AHI1: variants seen among roughly 807,000 people sequenced by gnomAD.
The protein encoded by AHI1 is Abelson helper integration site 1.
AHI1 carries 123 observed loss-of-function variants against 149.3 expected under a neutral mutation model. The ratio of observed to expected loss-of-function variants is 0.82; its 90% confidence interval spans 0.71 to 0.96. The LOEUF (loss-of-function observed/expected upper bound fraction) is 0.96. Ranked by LOEUF, AHI1 falls within the 40% of genes least tolerant of loss-of-function variation. The pLI is 0.00. For synonymous variants in AHI1, 475 were observed against 459.8 expected, an observed-to-expected ratio of 1.03 and a Z score of -0.42; for missense variants, 1,439 against 1,422.7, an observed-to-expected ratio of 1.01 and a Z score of -0.18.
chr6:135,352,876 T>C (rs1184253748), intron 24 of AHI1, among the ~76,000 whole-genome samples: 1 of 150,882 alleles, frequency 6.6e-6, no homozygotes, highest in African/African-American at 2.4e-5. Flanking sequence ...GTGCTAGGTA[T>C]GGTACTATCC....
At position 135,489,398 on chromosome 6, in the gene AHI1, C is replaced by G. The variant is rs369167993; in HGVS notation, c.135+1225G>C. The stretch of plus-strand genomic sequence containing the variant: ...TAAATTGCATTTTGTTCATGGCTCA[C>G]AACTCCCAGTTCTTTAATACTAAGA... On this transcript the variant is annotated intron_variant, in intron 5 of 28. Transcript: ENST00000265602. 9.1e-4 allele frequency among the ~76,000 whole-genome samples: 139 copies of G among 152,274 alleles called. 2 individuals carry two copies. The highest frequency in any genetic ancestry group is 3.0e-3 in the African/African-American group (123 of 41,558).
chr6:135,287,987 C>T (rs76240675), intron 28 of AHI1, among the ~76,000 whole-genome samples: 193 of 151,742 alleles, frequency 1.3e-3, no homozygotes, highest in Non-Finnish European at 2.3e-3. Flanking sequence ...CCCAGCTACT[C>T]GGGAGGCTGA....
intron 14 of AHI1, among the ~76,000 whole-genome samples, chr6:135,439,847 C>T (rs1057296555): frequency 7.9e-5 from 12 of 152,026 alleles, no homozygotes; most frequent in African/African-American, 2.2e-4. Flanking sequence ...AACATATACC[C>T]TATGGAAAAA....
chr6:135,478,277 T>C (rs1333508662), intron 5 of AHI1, among the ~76,000 whole-genome samples: 6 of 152,188 alleles, frequency 3.9e-5, no homozygotes, highest in East Asian at 1.9e-4. Context: ...TGGAACTTCA[T>C]AGAGACTTGT....
At chr6:135,422,106 A>G (rs1783256810) in intron 20 of AHI1, among the ~76,000 whole-genome samples, 1 of 152,226 alleles carries the variant, frequency 6.6e-6, no homozygotes, top group Admixed American at 6.5e-5. Context: ...ACAAATAGCT[A>G]TCTCCAATAT....
rs760645720 is a variant in AHI1, at chr6:135,463,184, T to G, written c.872A>C (p.Asp291Ala). The G allele has an allele frequency of 1.9e-6, 3 of 1,608,632 alleles. No individual in the cohort carries two copies. The Admixed American group carries it at 5.0e-5, about 27-fold the overall frequency. The change falls in exon 8 of 29, where the codon GAC (aspartate) becomes GCC (alanine). Residue 291 changes from aspartate (D) to alanine (A), a missense_variant. By Grantham distance (126) the Asp-to-Ala change is moderately radical. Transcript: ENST00000265602. ...EISSMEQSTEDSMQDDTKPKP... is the reference protein window; with the variant it reads ...EISSMEQSTEASMQDDTKPKP... ...AGGTTTTGTATCATCTTGCATGCTG[T>G]CTTCTGTGCTTTGTTCCATTGAGCT...
rs184161453 is a variant in AHI1 at position 135,352,922 on chromosome 6, T to C, written c.3165+5210A>G. On this transcript the variant is annotated intron_variant, in intron 24 of 28. Transcript: ENST00000265602. ...GTATACCTCATGTTTCTTGATAATT[T>C]AGAAAATTCAATTTATGCTGCTGTT... Among the ~76,000 whole-genome samples, 396 of 151,838 alleles carry C rather than the reference T, an allele frequency of 2.6e-3. 1 individual carries two copies. The highest frequency in any genetic ancestry group is 6.9e-3 in the African/African-American group (285 of 41,482).
intron 24 of AHI1, among the ~76,000 whole-genome samples, chr6:135,330,180 A>C (rs1788334776): frequency 6.6e-6 from 1 of 152,254 alleles, no homozygotes. Flanking sequence ...TCCAATTCTC[A>C]AAGTTTTACT....
chr6:135,361,573 G>GT (rs1353044077), intron 23 of AHI1, among the ~76,000 whole-genome samples: 4 of 150,576 alleles, frequency 2.7e-5, no homozygotes, highest in African/African-American at 9.8e-5. Flanking sequence ...TTCCCTGAAC[G>GT]TAACACTTTT....
At position 135,427,267 on chromosome 6, in the gene AHI1, T is replaced by C. The variant is rs1296818217; in HGVS notation, c.2664A>G (p.Ser888=). The C allele has an allele frequency of 6.2e-7, 1 of 1,610,254 alleles. No individual in the cohort carries two copies. The highest frequency in any genetic ancestry group is 1.7e-5 in the Admixed American group (1 of 59,684). The part of the protein sequence containing the change: ...VAMYSDLPFK[S]PIRDISYHPF... ...GATGATAAGAAATGTCTCGAATGGG[T>C]GACTTGAATGGCAAGTCAGAATACA... The change falls in exon 20 of 29, where the codon TCA becomes TCG. Residue 888 remains serine, a synonymous_variant. Coordinates refer to ENST00000265602, the MANE Select transcript of AHI1 (RefSeq NM_001134831.2).
In AHI1 at chr6:135,448,400, G is replaced by A. The variant is rs371637724; in HGVS notation, c.1516C>T (p.Arg506Ter). The change falls in exon 12 of 29, where the codon CGA becomes TGA. Residue 506 changes from arginine (R) to a stop codon, truncating the protein, a stop_gained. Transcript: ENST00000265602. LOFTEE classifies it high-confidence loss of function. The stretch of plus-strand genomic sequence containing the variant: ...GCCTCAACAACACTTAATGGGGATC[G>A]AGGCTTAGTAGGTGGGTAATATAGC... ...LQLYYPPTKPRSPLSVVEAFE... is the reference protein window; with the variant it reads ...LQLYYPPTKP 23 of 1,605,334 alleles carry A rather than the reference G, an allele frequency of 1.4e-5. No homozygotes were observed. The highest frequency in any genetic ancestry group is 2.2e-5 in the East Asian group (1 of 44,838).
intron 5 of AHI1, among the ~76,000 whole-genome samples, chr6:135,469,514 G>A (rs1366513467): frequency 6.6e-6 from 1 of 152,102 alleles, no homozygotes; most frequent in African/African-American, 2.4e-5. Context: ...AGCCTGTATA[G>A]CCAAGACAAT....
intron 23 of AHI1, among the ~76,000 whole-genome samples, chr6:135,374,108 ATTTTTTTT>A (rs869245989): frequency 0.025 from 1,240 of 49,526 alleles, 24 homozygotes; most frequent in African/African-American, 0.087. Context: ...ATATATATAT[ATTTTTTTT>A]TTTTTTTTTT....
chr6:135,320,066 C>G (rs1214615928), intron 25 of AHI1, among the ~76,000 whole-genome samples: 1 of 152,082 alleles, frequency 6.6e-6, no homozygotes, highest in Non-Finnish European at 1.5e-5. Context: ...TATTTTTAGA[C>G]TAGAATATGC....
chr6:135,464,417 T>C (rs1790414194), intron 7 of AHI1, among the ~76,000 whole-genome samples: 1 of 152,172 alleles, frequency 6.6e-6, no homozygotes, highest in African/African-American at 2.4e-5. Flanking sequence ...AGATTTATAG[T>C]ATACTATGGT....
intron 23 of AHI1, among the ~76,000 whole-genome samples, chr6:135,387,547 T>C (rs906847660): frequency 5.9e-5 from 9 of 152,212 alleles, no homozygotes; most frequent in African/African-American, 2.2e-4. Context: ...TCTAGTGGAT[T>C]ACTCAAGTTT....
At chr6:135,319,933 T>TA (rs1423339385) in intron 25 of AHI1, among the ~76,000 whole-genome samples, 8 of 152,204 alleles carry the variant, frequency 5.3e-5, no homozygotes, top group Non-Finnish European at 1.2e-4. Context: ...GTTGTTCTCT[T>TA]AGAGGACAGG....
At chr6:135,375,885 A>T (rs1775836315) in intron 23 of AHI1, among the ~76,000 whole-genome samples, 1 of 152,152 alleles carries the variant, frequency 6.6e-6, no homozygotes, top group Admixed American at 6.5e-5. Context: ...TGGGGTAGGG[A>T]TAGTACCAGA....
intron 23 of AHI1, among the ~76,000 whole-genome samples, chr6:135,389,708 T>C (rs1330973060): frequency 6.6e-6 from 1 of 152,224 alleles, no homozygotes; most frequent in African/African-American, 2.4e-5. Flanking sequence ...ATCGATTTAA[T>C]ATGAATTAAA....
Sources: allele counts gnomAD v4.1 joint callset (sites outside exome capture counted in the v4.1 genomes callset), GRCh38; gene constraint gnomAD v4.1.1; transcripts MANE v1.5; gene names NCBI Gene and HGNC (gene_info 2026-07-23, HGNC 2026-07-21).